The following AFG2A variants were observed in gnomAD, a reference collection of about 807,000 sequenced individuals.
AFG2A encodes ATPase family gene 2 protein homolog A.
chr4:123,272,121 G>A, the AFG2A span, among the ~76,000 whole-genome samples: 1 of 152,148 alleles, frequency 6.6e-6, no homozygotes, highest in African/African-American at 2.4e-5. Context: ...TCATCACTCA[G>A]TCCTGATGCT....
At chr4:123,016,855 T>A in the AFG2A span, among the ~76,000 whole-genome samples, 16,470 of 152,138 alleles carry the variant, frequency 0.11, 1,002 homozygotes, top group Middle Eastern at 0.21. Context: ...TGAACCAGAC[T>A]CCGTCTGCAA....
the AFG2A span, among the ~76,000 whole-genome samples, chr4:123,237,597 T>A: frequency 7.6e-4 from 107 of 140,942 alleles, no homozygotes; most frequent in Middle Eastern, 4.1e-3. Context: ...CGCTTGAACC[T>A]AGGAGGTGGA....
At chr4:123,281,233 G>A in the AFG2A span, among the ~76,000 whole-genome samples, 1 of 152,074 alleles carries the variant, frequency 6.6e-6, no homozygotes, top group African/African-American at 2.4e-5. Flanking sequence ...GTTTTTAGGA[G>A]TAATTACAAA....
chr4:123,304,654 T>C, the AFG2A span, among the ~76,000 whole-genome samples: 3 of 152,322 alleles, frequency 2.0e-5, no homozygotes, highest in South Asian at 6.2e-4. Flanking sequence ...CTGCAGCCCA[T>C]TTCTTTTGGT....
the AFG2A span, among the ~76,000 whole-genome samples, chr4:123,297,740 AAG>A: frequency 6.6e-6 from 1 of 151,950 alleles, no homozygotes; most frequent in Non-Finnish European, 1.5e-5. Context: ...GAAAAGAAAA[AAG>A]AAAATGGCAA....
At chr4:123,166,726 G>A in the AFG2A span, among the ~76,000 whole-genome samples, 30 of 152,104 alleles carry the variant, frequency 2.0e-4, no homozygotes, top group East Asian at 1.7e-3. Context: ...ATTAATTTTC[G>A]GTTCCTTGAA....
At chr4:123,018,074 A>G in the AFG2A span, among the ~76,000 whole-genome samples, 15 of 151,866 alleles carry the variant, frequency 9.9e-5, no homozygotes, top group East Asian at 2.9e-3. Flanking sequence ...CTTGGCTTCT[A>G]TGGGTGTACA....
the AFG2A span, among the ~76,000 whole-genome samples, chr4:123,277,587 A>G: frequency 1.4e-4 from 22 of 152,274 alleles, no homozygotes; most frequent in Middle Eastern, 3.4e-3. Flanking sequence ...TCTTTTGCCC[A>G]TTCAGTATGA....
the AFG2A span, among the ~76,000 whole-genome samples, chr4:123,229,477 A>G: frequency 6.6e-6 from 1 of 152,124 alleles, no homozygotes; most frequent in South Asian, 2.1e-4. Flanking sequence ...GCCTTAAAAA[A>G]TCATTTCATC....
At chr4:123,255,447 A>T in the AFG2A span, among the ~76,000 whole-genome samples, 2 of 151,388 alleles carry the variant, frequency 1.3e-5, no homozygotes, top group East Asian at 3.9e-4. Flanking sequence ...GTGAGCTGAG[A>T]CTGCGCCACT....
At chr4:123,068,419 C>G in the AFG2A span, among the ~76,000 whole-genome samples, 1 of 152,124 alleles carries the variant, frequency 6.6e-6, no homozygotes, top group Non-Finnish European at 1.5e-5. Context: ...CTGTTTCATC[C>G]TACAACAAAG....
chr4:123,034,792 AAAAAT>A, the AFG2A span, among the ~76,000 whole-genome samples: 1 of 152,278 alleles, frequency 6.6e-6, no homozygotes, highest in African/African-American at 2.4e-5. Context: ...AACTTTGCTA[AAAAAT>A]AAAATATATT....
At chr4:122,947,272 A>G in the AFG2A span, 9 of 1,611,748 alleles carry the variant, frequency 5.6e-6, no homozygotes, top group Admixed American at 8.4e-5. Flanking sequence ...TGGGGCCACA[A>G]ATCGCCCTCA....
chr4:123,003,134 G>C, the AFG2A span, among the ~76,000 whole-genome samples: 35 of 152,154 alleles, frequency 2.3e-4, no homozygotes, highest in South Asian at 6.2e-3. Flanking sequence ...CGTAGTTCTC[G>C]AGCCTTGGCT....
At chr4:123,134,595 ATT>A in the AFG2A span, among the ~76,000 whole-genome samples, 44 of 132,682 alleles carry the variant, frequency 3.3e-4, no homozygotes, top group African/African-American at 1.0e-3. Context: ...GAATTTTAGG[ATT>A]TTTTTTTTTT....
chr4:123,311,620 T>G, the AFG2A span, among the ~76,000 whole-genome samples: 1 of 102,830 alleles, frequency 9.7e-6, no homozygotes, highest in Non-Finnish European at 1.8e-5. Context: ...AACGAGACTC[T>G]GTCTCAAAAA....
chr4:123,089,975 A>G, the AFG2A span, among the ~76,000 whole-genome samples: 2 of 152,288 alleles, frequency 1.3e-5, no homozygotes, highest in Middle Eastern at 3.4e-3. Context: ...TGGCTTTGTA[A>G]TGGACTTGGT....
chr4:122,992,978 G>A, the AFG2A span, among the ~76,000 whole-genome samples: 1 of 134,944 alleles, frequency 7.4e-6, no homozygotes, highest in South Asian at 2.7e-4. Flanking sequence ...GTGTGTGTAT[G>A]TGTGTGTGTG....
chr4:123,312,913 T>C, the AFG2A span, among the ~76,000 whole-genome samples: 1 of 152,134 alleles, frequency 6.6e-6, no homozygotes, highest in Admixed American at 6.5e-5. Context: ...TTTCAGTGAG[T>C]GAACAAACAG....
Sources: gnomAD v4.1 joint callset for allele counts (sites outside exome capture counted in the v4.1 genomes callset) on GRCh38, gnomAD v4.1.1 for gene constraint, MANE v1.5 for transcripts, NCBI Gene and HGNC (gene_info 2026-07-23, HGNC 2026-07-21) for gene names.